Variants in DPP10 observed in about 807,000 individuals in gnomAD.
DPP10 encodes the protein dipeptidyl peptidase like 10.
A neutral mutation model predicts 120.9 loss-of-function variants in DPP10; 33 were observed. The observed-to-expected ratio is 0.27, with a 90% CI of 0.21 to 0.37. The LOEUF is 0.37. Among genes scored for constraint, DPP10 ranks in the 10% least tolerant of loss-of-function variants. DPP10 has a pLI of 1.00. For missense variants in DPP10, 816 were observed against 942.8 expected (o/e 0.87, Z 1.76); for synonymous variants, 337 against 326.1 (o/e 1.03, Z -0.36).
intron 1 of DPP10, chr2:114,828,817 G>T (rs1686795716): frequency 1.3e-5 from 2 of 152,260 alleles, no homozygotes; most frequent in Non-Finnish European, 2.9e-5. Flanking sequence ...GTTGGAGGAG[G>T]CAGGCTCCGC....
At chr2:115,464,412 AAACAC>A in intron 3 of DPP10, among the ~76,000 whole-genome samples, 1 of 151,558 alleles carries the variant, frequency 6.6e-6, no homozygotes, top group Non-Finnish European at 1.5e-5. Flanking sequence ...AGCCAAAAAA[AAACAC>A]AAACAAAACA....
intron 19 of DPP10, among the ~76,000 whole-genome samples, chr2:115,807,797 A>AAC (rs199509584): frequency 0.018 from 2,753 of 152,208 alleles, 87 homozygotes; most frequent in African/African-American, 0.061. Flanking sequence ...TCAAGAAAAA[A>AAC]AAAAACATTA....
intron 1 of DPP10, among the ~76,000 whole-genome samples, chr2:114,636,651 G>A (rs1695324213): frequency 6.6e-6 from 1 of 151,940 alleles, no homozygotes; most frequent in Admixed American, 6.6e-5. Flanking sequence ...CTTGAATCAG[G>A]ACAGAGAAAG....
rs538343702 is a variant in DPP10 at position 114,935,911 on chromosome 2, C to T, written c.61-373328C>T. Among the ~76,000 whole-genome samples the T allele has an allele frequency of 2.2e-4, 33 of 151,772 alleles. No homozygotes were observed. The East Asian group carries it at 6.4e-3, about 29-fold the overall frequency. On this transcript the variant is annotated intron_variant, in intron 1 of 25. Coordinates refer to ENST00000410059, the MANE Select transcript of DPP10 (RefSeq NM_020868.6). The stretch of plus-strand genomic sequence containing the variant: ...TCCTAGAATAATTAACTCAAAATCT[C>T]CAAAGGTGAGGTTTTCCTGGCATAT...
At chr2:115,722,321 C>T (rs2092668438) in intron 7 of DPP10, among the ~76,000 whole-genome samples, 1 of 151,654 alleles carries the variant, frequency 6.6e-6, no homozygotes, top group African/African-American at 2.4e-5. Context: ...TACCTGCTTT[C>T]CACTTCTGTA....
intron 3 of DPP10, among the ~76,000 whole-genome samples, chr2:115,396,358 G>A (rs1388722800): frequency 6.6e-6 from 1 of 152,120 alleles, no homozygotes; most frequent in Non-Finnish European, 1.5e-5. Flanking sequence ...TACTATGTTA[G>A]GTGAAAGATT....
At chr2:115,003,185 A>AAC (rs1304429997) in intron 1 of DPP10, among the ~76,000 whole-genome samples, 9 of 151,442 alleles carry the variant, frequency 5.9e-5, no homozygotes, top group African/African-American at 1.9e-4. Context: ...ATAAAAAAAA[A>AAC]AAAAAAACAA....
chr2:115,560,261 C>A (rs1275075293), intron 5 of DPP10, among the ~76,000 whole-genome samples: 2 of 145,312 alleles, frequency 1.4e-5, no homozygotes, highest in Non-Finnish European at 3.0e-5. Context: ...GTCCCAGCTA[C>A]TCGGGAGGCT....
intron 10 of DPP10, among the ~76,000 whole-genome samples, chr2:115,748,152 C>T (rs535677497): frequency 2.0e-5 from 3 of 151,608 alleles, no homozygotes; most frequent in African/African-American, 7.2e-5. Context: ...GCTACCTGTA[C>T]AGTTTAAAAT....
intron 1 of DPP10, among the ~76,000 whole-genome samples, chr2:115,140,398 A>G (rs1448285973): frequency 6.6e-6 from 1 of 152,218 alleles, no homozygotes; most frequent in Non-Finnish European, 1.5e-5. Context: ...ATGATGGAAG[A>G]TGATGGCTCA....
At chr2:114,565,140 G>T (rs747333079) in intron 1 of DPP10, among the ~76,000 whole-genome samples, 4 of 152,248 alleles carry the variant, frequency 2.6e-5, no homozygotes, top group African/African-American at 9.6e-5. Flanking sequence ...GGTTCAAGAA[G>T]GGCTAATCCT....
At chr2:114,699,820 G>A (rs1324543886) in intron 1 of DPP10, among the ~76,000 whole-genome samples, 1 of 152,102 alleles carries the variant, frequency 6.6e-6, no homozygotes, top group Non-Finnish European at 1.5e-5. Context: ...TCAAGGGAGT[G>A]AATGGAAAGG....
intron 5 of DPP10, among the ~76,000 whole-genome samples, chr2:115,677,254 C>A (rs925109110): frequency 2.6e-5 from 4 of 151,964 alleles, no homozygotes; most frequent in Non-Finnish European, 4.4e-5. Context: ...AAAATGTGAA[C>A]CTCACTGGTA....
chr2:115,454,064 T>C (rs1024065531), intron 3 of DPP10, among the ~76,000 whole-genome samples: 1 of 151,558 alleles, frequency 6.6e-6, no homozygotes, highest in Non-Finnish European at 1.5e-5. Flanking sequence ...AACTATAAAA[T>C]TGAATTAGCA....
chr2:115,178,435 C>T (rs1239924318), intron 1 of DPP10, among the ~76,000 whole-genome samples: 1 of 152,184 alleles, frequency 6.6e-6, no homozygotes, highest in Non-Finnish European at 1.5e-5. Context: ...AACTAACTTG[C>T]ACACAGTGTT....
chr2:114,861,411 A>G (rs545437401), intron 1 of DPP10, among the ~76,000 whole-genome samples: 17 of 152,284 alleles, frequency 1.1e-4, no homozygotes, highest in Admixed American at 5.9e-4. Context: ...TTTTCTCACA[A>G]AAGTTAAGAG....
At position 114,929,600 on chromosome 2, in the gene DPP10, C is replaced by G. The variant is rs553697468; in HGVS notation, c.61-379639C>G. 3.3e-5 allele frequency among the ~76,000 whole-genome samples: 5 copies of G among 152,298 alleles called. No individual in the cohort carries two copies. In the East Asian group the frequency reaches 7.7e-4, roughly 24 times the overall value. ...TGCCTGGCCCCATAGGCAGTCAGAC[C>G]TTATGGTTATCTCCCTTGTTCCCTG... On this transcript the variant is annotated intron_variant, in intron 1 of 25. Transcript: ENST00000410059.
At chr2:114,802,415 T>G (rs1353192080) in intron 1 of DPP10, among the ~76,000 whole-genome samples, 1 of 152,258 alleles carries the variant, frequency 6.6e-6, no homozygotes, top group Non-Finnish European at 1.5e-5. Flanking sequence ...GTATCTTCTC[T>G]GTGGATAATT....
chr2:115,252,833 C>T (rs2058812083), intron 1 of DPP10, among the ~76,000 whole-genome samples: 1 of 152,190 alleles, frequency 6.6e-6, no homozygotes, highest in African/African-American at 2.4e-5. Flanking sequence ...AATGAAAAAT[C>T]TCTCTTCTAA....
Sources: allele counts gnomAD v4.1 joint callset (sites outside exome capture counted in the v4.1 genomes callset), GRCh38; gene constraint gnomAD v4.1.1; transcripts MANE v1.5; gene names NCBI Gene and HGNC (gene_info 2026-07-23, HGNC 2026-07-21).